MAP4K5: variants seen among roughly 807,000 people sequenced by gnomAD.
The protein encoded by MAP4K5 is MAPK/ERK kinase kinase kinase 5.
Under a neutral mutation model 135.6 loss-of-function variants are expected in MAP4K5, and 82 were observed. The ratio of observed to expected loss-of-function variants is 0.60; its 90% CI spans 0.51 to 0.73. The LOEUF is 0.73. Ranked by LOEUF, MAP4K5 falls within the 30% of genes least tolerant of loss-of-function variation. The pLI, the probability that MAP4K5 is intolerant of heterozygous loss-of-function variation, is 0.00. For synonymous variants in MAP4K5, 347 were observed against 335.0 expected (o/e 1.04, Z -0.39); for missense variants, 907 against 1,010.9 (o/e 0.90, Z 1.39).
At position 50,441,743 on chromosome 14, in the gene MAP4K5, T is replaced by TACAC. The variant is rs57651486; in HGVS notation, c.1564+985_1564+988dup. ...CTGTCTCTAAAAAAAAATTATTTTATACACACACACACACACACACACACA... is the reference window on the plus strand; with the variant it reads ...CTGTCTCTAAAAAAAAATTATTTTATACACACACACACACACACACACACACACA... On this transcript the variant is annotated intron_variant, in intron 21 of 32. Transcript: ENST00000682126. Among the ~76,000 whole-genome samples the TACAC allele has an allele frequency of 2.6e-3, 363 of 141,612 alleles. 3 individuals are homozygous for TACAC. Among genetic ancestry groups the TACAC allele is most frequent in the African/African-American group, 7.0e-3 (266 of 37,844 alleles). 92.9% of individuals were successfully genotyped at this position (141,612 alleles called of 152,430 possible).
intron 13 of MAP4K5, among the ~76,000 whole-genome samples, chr14:50,462,383 C>G (rs533822868): frequency 6.6e-6 from 1 of 152,288 alleles, no homozygotes; most frequent in East Asian, 1.9e-4. Flanking sequence ...ACCAAAACTT[C>G]AGGCTAACCA....
In MAP4K5 at chr14:50,464,085, T is replaced by G. The variant is rs1355254349; in HGVS notation, c.786A>C (p.Pro262=). The G allele has an allele frequency of 7.1e-6, 11 of 1,548,504 alleles. No homozygotes were observed. The highest frequency in any genetic ancestry group is 1.4e-5 in the African/African-American group (1 of 73,122). ...NFVKIALTKN[P]KKRPTAERLL... is the part of the protein sequence containing the mutation. ...GTCTTTCAGCAGTTGGTCTTTTTTTTGGGTTTTTGGTTAGTGCTATTTTGA... is the reference window on the plus strand; with the variant it reads ...GTCTTTCAGCAGTTGGTCTTTTTTTGGGGTTTTTGGTTAGTGCTATTTTGA... The change falls in exon 12 of 33, where the codon CCA becomes CCC. Residue 262 remains proline, a synonymous_variant. Transcript: ENST00000682126.
chr14:50,534,554 G>A (rs1488867563), upstream of MAP4K5, among the ~76,000 whole-genome samples: 8 of 152,358 alleles, frequency 5.3e-5, no homozygotes, highest in Non-Finnish European at 1.5e-5. Context: ...GCAGTGAAAT[G>A]TTTGAGGTCA....
At chr14:50,470,628 T>G (rs2036936918) in intron 9 of MAP4K5, among the ~76,000 whole-genome samples, 1 of 147,070 alleles carries the variant, frequency 6.8e-6, no homozygotes, top group Admixed American at 7.1e-5. Context: ...AGAGAGTTCC[T>G]GTTTCACATA....
At chr14:50,514,088 G>C (rs1231900645) in intron 2 of MAP4K5, among the ~76,000 whole-genome samples, 1 of 151,938 alleles carries the variant, frequency 6.6e-6, no homozygotes, top group Non-Finnish European at 1.5e-5. Flanking sequence ...TTTTGTTTTT[G>C]TTTTTTTGAG....
At chr14:50,491,875 C>T (rs2037491898) in intron 3 of MAP4K5, among the ~76,000 whole-genome samples, 1 of 151,814 alleles carries the variant, frequency 6.6e-6, no homozygotes, top group South Asian at 2.1e-4. Context: ...TTTGTAGAGC[C>T]TGAGTTTTGC....
intron 1 of MAP4K5, among the ~76,000 whole-genome samples, chr14:50,548,141 A>G (rs2038657786): frequency 6.6e-6 from 1 of 152,164 alleles, no homozygotes. Context: ...TTACCTGGTC[A>G]ACTAAGACAT....
intron 2 of MAP4K5, among the ~76,000 whole-genome samples, chr14:50,542,006 C>CAAAAAAAAAAA (rs59075218): frequency 1.6e-5 from 1 of 62,480 alleles, no homozygotes; most frequent in African/African-American, 7.9e-5. Context: ...GATTCCGTCT[C>CAAAAAAAAAAA]AAAAAAAAAA....
intron 13 of MAP4K5, chr14:50,456,818 C>T (rs2036603428): frequency 4.7e-6 from 2 of 422,864 alleles, no homozygotes; most frequent in South Asian, 8.5e-5. Flanking sequence ...GACACAAATC[C>T]TGTCCTCAAA....
chr14:50,493,055 G>A (rs576581534), intron 3 of MAP4K5, among the ~76,000 whole-genome samples: 3 of 151,268 alleles, frequency 2.0e-5, no homozygotes, highest in Admixed American at 2.0e-4. Flanking sequence ...AAAAAAAAGA[G>A]AATGAAATAA....
At chr14:50,476,343 C>T (rs750873808) in intron 6 of MAP4K5, 37 bp from the exon 7 acceptor site, 3 of 1,068,520 alleles carry the variant, frequency 2.8e-6, no homozygotes, top group Non-Finnish European at 3.8e-6. Flanking sequence ...AATGTATCAG[C>T]AAAACTGTAA....
chr14:50,520,261 G>A (rs1204373304), intron 2 of MAP4K5, among the ~76,000 whole-genome samples: 1 of 152,216 alleles, frequency 6.6e-6, no homozygotes, highest in Non-Finnish European at 1.5e-5. Flanking sequence ...CACTTTAGGA[G>A]GCCAAGGTGG....
chr14:50,468,611 A>G, intron 10 of MAP4K5, 40 bp downstream of exon 10: 2 of 1,599,944 alleles, frequency 1.3e-6, no homozygotes, highest in Admixed American at 1.7e-5. Context: ...TTCCCCATAG[A>G]CTTGATCAAT....
chr14:50,438,142 AAC>A (rs772768377), intron 23 of MAP4K5, 48 bp from the exon 24 acceptor site: 3 of 709,130 alleles, frequency 4.2e-6, no homozygotes, highest in South Asian at 3.1e-5. Flanking sequence ...AAAATAGAAA[AAC>A]ACACACAAAA....
chr14:50,491,189 C>T (rs947115912), intron 3 of MAP4K5, among the ~76,000 whole-genome samples: 1 of 152,040 alleles, frequency 6.6e-6, no homozygotes, highest in Non-Finnish European at 1.5e-5. Context: ...AGATAAAAGG[C>T]AGTAAGATTC....
Position 50,440,032 on chromosome 14 carries a change from A to G in MAP4K5, c.1686T>C (p.Asn562=), listed in dbSNP as rs1270525469. The G allele has an allele frequency of 6.4e-7, 1 of 1,553,908 alleles. No individual in the cohort carries two copies. Among genetic ancestry groups the G allele is most frequent in the Non-Finnish European group, 8.8e-7 (1 of 1,138,688 alleles). ...ACATACCTGATAATGACATTAAAGT[A>G]TTATTGATAACATACAGCCAAGTAC... ...RKCTWLYVIN[N]TLMSLSEGKT... Residue 562 remains asparagine, a synonymous_variant, in exon 23 of 33, where the codon AAT becomes AAC. Transcript: ENST00000682126.
chr14:50,560,407 AC>A lies in MAP4K5; in HGVS notation c.-180+632del, dbSNP rs200164458. ...CAAGGGCTGCTAGGTGCCTGCGTCC[AC>A]GGCTGGGAGACGGGCCGTAGCCGAG... is the stretch of plus-strand genomic sequence containing the variant. On this transcript the variant is annotated intron_variant, in intron 1 of 8. Transcript: ENST00000555216. The A allele has an allele frequency of 7.4e-4, 1,060 of 1,429,078 alleles. 6 individuals are homozygous for A. The African/African-American group carries it at 0.013, about 17-fold the overall frequency. The allele number at this position is 1,429,078 out of a possible 1,614,324, so 88.5% of individuals were successfully genotyped here.
chr14:50,529,751 G>A, intron 2 of MAP4K5, among the ~76,000 whole-genome samples: 1 of 152,178 alleles, frequency 6.6e-6, no homozygotes, highest in East Asian at 1.9e-4. Flanking sequence ...CATATAGTGG[G>A]GGGCGGTGGT....
intron 12 of MAP4K5, 55 bp downstream of exon 12, chr14:50,463,997 C>T: frequency 1.1e-6 from 1 of 887,814 alleles, no homozygotes; most frequent in Non-Finnish European, 1.7e-6. Context: ...TTTTGTTCTA[C>T]TGATATGTCT....
Sources: allele counts gnomAD v4.1 joint callset (sites outside exome capture counted in the v4.1 genomes callset), GRCh38; gene constraint gnomAD v4.1.1; transcripts MANE v1.5; gene names NCBI Gene and HGNC (gene_info 2026-07-23, HGNC 2026-07-21).